The following FAM76A variants were observed in gnomAD, a reference collection of about 807,000 sequenced individuals.
FAM76A encodes family with sequence similarity 76 member A.
In FAM76A, 32 loss-of-function variants were observed where a neutral mutation model predicts 46.2. The ratio of observed to expected loss-of-function variants is 0.69; its 90% CI spans 0.52 to 0.93. The LOEUF (loss-of-function observed/expected upper bound fraction) is 0.93, where lower values mean the gene tolerates loss of function less well. Among genes scored for constraint, FAM76A ranks in the 40% least tolerant of loss-of-function variants. FAM76A has a pLI of 0.00. For synonymous variants in FAM76A, 137 were observed against 127.0 expected (o/e 1.08, Z -0.53); for missense variants, 274 against 361.5 (o/e 0.76, Z 1.96).
intron 5 of FAM76A, among the ~76,000 whole-genome samples, chr1:27,748,027 T>C (rs2088268123): frequency 6.6e-6 from 1 of 152,192 alleles, no homozygotes. Context: ...GGTAGATAAG[T>C]TGATCTTGAG....
At chr1:27,749,291 G>A (rs971594947) in intron 6 of FAM76A, 137 bp downstream of exon 6, 1 of 478,248 alleles carries the variant, frequency 2.1e-6, no homozygotes, top group African/African-American at 2.0e-5. Context: ...ACTGATATTT[G>A]TTTATAAATC....
chr1:27,733,107 A>G lies in FAM76A; in HGVS notation c.201+450A>G, dbSNP rs190403159. Among the ~76,000 whole-genome samples, 18 of 151,580 alleles carry G rather than the reference A, an allele frequency of 1.2e-4. No individual in the cohort carries two copies. The East Asian group carries it at 3.1e-3, about 26-fold the overall frequency. On this transcript the variant is annotated intron_variant, in intron 3 of 8. Coordinates refer to ENST00000373954, the MANE Select transcript of FAM76A (RefSeq NM_152660.3). ...GCCACCACACCTGGCTGATTTTTGTATTTTAGTAGAGATGGGGTTTCACCA... is the reference window on the plus strand; with the variant it reads ...GCCACCACACCTGGCTGATTTTTGTGTTTTAGTAGAGATGGGGTTTCACCA...
At chr1:27,749,010 T>G in intron 5 of FAM76A, 58 bp from the exon 6 acceptor site, 2 of 1,141,960 alleles carry the variant, frequency 1.8e-6, no homozygotes, top group Non-Finnish European at 2.5e-6. Context: ...ACTTTCATTG[T>G]GATGTTTTGT....
intron 8 of FAM76A, 182 bp downstream of exon 8, chr1:27,759,809 C>A: frequency 1.9e-6 from 1 of 534,188 alleles, no homozygotes; most frequent in Non-Finnish European, 3.2e-6. Flanking sequence ...TCTCTGTCGC[C>A]TAGGCTGGAG....
intron 6 of FAM76A, among the ~76,000 whole-genome samples, chr1:27,751,961 A>G (rs1460389950): frequency 2.6e-5 from 4 of 151,352 alleles, no homozygotes; most frequent in Admixed American, 6.6e-5. Context: ...ATGCCTCCAC[A>G]CTCGGCTAAT....
intron 7 of FAM76A, 144 bp downstream of exon 7, chr1:27,755,474 G>A: frequency 1.8e-6 from 2 of 1,099,188 alleles, no homozygotes; most frequent in Non-Finnish European, 2.6e-6. Context: ...CTGGCTGTCT[G>A]CCAAGATGAC....
chr1:27,732,148 G>T (rs1305743642), intron 2 of FAM76A, among the ~76,000 whole-genome samples: 1 of 152,170 alleles, frequency 6.6e-6, no homozygotes, highest in African/African-American at 2.4e-5. Flanking sequence ...AGTTATTAGA[G>T]GCTAGGTGTA....
chr1:27,726,224 A>G, intron 1 of FAM76A, 63 bp downstream of exon 1: 1 of 1,221,218 alleles, frequency 8.2e-7, no homozygotes, highest in East Asian at 3.2e-5. Flanking sequence ...GGAGCTCCAG[A>G]TTCTGTGGGG....
chr1:27,729,690 A>G (rs2087922886), intron 2 of FAM76A, among the ~76,000 whole-genome samples: 1 of 152,214 alleles, frequency 6.6e-6, no homozygotes, highest in Non-Finnish European at 1.5e-5. Context: ...TGCAGACATC[A>G]GTATACATGA....
chr1:27,754,396 G>A (rs552914637), intron 6 of FAM76A, among the ~76,000 whole-genome samples: 24 of 152,270 alleles, frequency 1.6e-4, no homozygotes, highest in East Asian at 1.9e-4. Flanking sequence ...GTGAGCCACC[G>A]CGCCCGGCCT....
intron 2 of FAM76A, among the ~76,000 whole-genome samples, chr1:27,728,129 T>A (rs2087893153): frequency 6.6e-6 from 1 of 151,392 alleles, no homozygotes; most frequent in African/African-American, 2.4e-5. Context: ...AAAGTTCTTT[T>A]TAAGACCCTT....
intron 2 of FAM76A, among the ~76,000 whole-genome samples, chr1:27,729,070 TG>T (rs2087912705): frequency 6.6e-6 from 1 of 152,110 alleles, no homozygotes; most frequent in Non-Finnish European, 1.5e-5. Flanking sequence ...TTGATTCTTG[TG>T]GAACTTCTGT....
chr1:27,750,901 G>A (rs768661341), intron 6 of FAM76A, among the ~76,000 whole-genome samples: 31 of 152,320 alleles, frequency 2.0e-4, no homozygotes, highest in Admixed American at 5.2e-4. Context: ...AGGCACAGTC[G>A]TTCACACATG....
chr1:27,740,306 A>G, intron 4 of FAM76A: 1 of 853,660 alleles, frequency 1.2e-6, no homozygotes, highest in African/African-American at 1.7e-5. Flanking sequence ...CCATCAAACC[A>G]GGAACTACAG....
At chr1:27,728,908 G>A (rs1297313045) in intron 2 of FAM76A, among the ~76,000 whole-genome samples, 1 of 151,746 alleles carries the variant, frequency 6.6e-6, no homozygotes, top group Non-Finnish European at 1.5e-5. Context: ...AGGTTGCGGT[G>A]AGCTGAGATT....
intron 4 of FAM76A, among the ~76,000 whole-genome samples, chr1:27,738,851 G>A (rs535515497): frequency 2.0e-5 from 3 of 152,298 alleles, no homozygotes; most frequent in African/African-American, 7.2e-5. Context: ...TAACATTTGA[G>A]TGGAAACTAG....
At chr1:27,757,976 CAAA>C (rs71716143) in intron 7 of FAM76A, among the ~76,000 whole-genome samples, 5 of 118,466 alleles carry the variant, frequency 4.2e-5, no homozygotes, top group African/African-American at 8.4e-5. Context: ...GACTCCATCT[CAAA>C]AAAAAAAAAA....
intron 4 of FAM76A, among the ~76,000 whole-genome samples, chr1:27,741,973 T>C (rs757442831): frequency 2.6e-5 from 4 of 151,700 alleles, no homozygotes; most frequent in Non-Finnish European, 5.9e-5. Context: ...GGTAGGGTGA[T>C]CATTTGGGCA....
intron 7 of FAM76A, 151 bp downstream of exon 7, chr1:27,755,481 T>G (rs765521772): frequency 5.6e-5 from 59 of 1,054,132 alleles, no homozygotes; most frequent in Non-Finnish European, 7.8e-5. Flanking sequence ...TCTGCCAAGA[T>G]GACTTTTGGG....
Sources: allele counts gnomAD v4.1 joint callset (sites outside exome capture counted in the v4.1 genomes callset), GRCh38; gene constraint gnomAD v4.1.1; transcripts MANE v1.5; gene names NCBI Gene and HGNC (gene_info 2026-07-23, HGNC 2026-07-21).